PLCG2: variants seen among roughly 807,000 people sequenced by gnomAD.
PLCG2 encodes 1-phosphatidylinositol 4,5-bisphosphate phosphodiesterase gamma-2.
A neutral mutation model predicts 175.6 loss-of-function variants in PLCG2; 69 were observed. The observed-to-expected ratio is 0.39, with a 90% CI of 0.32 to 0.48. The LOEUF (loss-of-function observed/expected upper bound fraction) is 0.48, where lower values mean the gene tolerates loss of function less well. Ranked by LOEUF, PLCG2 falls within the 20% of genes least tolerant of loss-of-function variation. The pLI, the probability that PLCG2 is intolerant of heterozygous loss-of-function variation, is 0.91. For missense variants in PLCG2, 1,798 were observed against 1,650.9 expected, an observed-to-expected ratio of 1.09 and a Z score of -1.54; for synonymous variants, 827 against 624.0, an observed-to-expected ratio of 1.33 and a Z score of -4.85.
At chr16:81,889,856 A>G (rs937180679) in intron 10 of PLCG2, among the ~76,000 whole-genome samples, 2 of 151,984 alleles carry the variant, frequency 1.3e-5, no homozygotes, top group African/African-American at 2.4e-5. Context: ...GGGTTTCACT[A>G]TGTTGGCCAG....
intron 17 of PLCG2, among the ~76,000 whole-genome samples, chr16:81,909,297 A>G (rs1909514935): frequency 6.6e-6 from 1 of 152,130 alleles, no homozygotes; most frequent in South Asian, 2.1e-4. Flanking sequence ...GGGGGGGTTT[A>G]ATGTGAGTTG....
In PLCG2 at chr16:81,905,537, G is replaced by A. The variant is rs868793504; in HGVS notation, c.1467+30G>A. 2.0e-6 allele frequency: 3 copies of A among 1,470,678 alleles called. No individual in the cohort carries two copies. The East Asian group carries it at 6.8e-5, about 33-fold the overall frequency. 91.1% of individuals were successfully genotyped at this position (1,470,678 alleles called of 1,614,324 possible). A position where few individuals can be genotyped will look rare whatever the true frequency, so the allele number is the denominator to read the frequency against. Reference sequence around the variant, plus strand: ...GCCTTGGTCCCTTCCCGTAGCCACTGCGGCCACGCCCCTTGCAGCTGCTTC... The same window carrying A: ...GCCTTGGTCCCTTCCCGTAGCCACTACGGCCACGCCCCTTGCAGCTGCTTC... On this transcript the variant is annotated intron_variant, in intron 15 of 32. Coordinates refer to ENST00000564138, the MANE Select transcript of PLCG2 (RefSeq NM_002661.5).
In PLCG2 at chr16:81,873,546, A is replaced by C. The variant is rs1907620569; in HGVS notation, c.648+2611A>C. On this transcript the variant is annotated intron_variant, in intron 7 of 32. Coordinates refer to ENST00000564138, the MANE Select transcript of PLCG2 (RefSeq NM_002661.5). ...GATTTACTCAAGATAAGTAGTTGCA[A>C]ATAACAGTTTTTTTTTTTTTAATAA... is the stretch of plus-strand genomic sequence containing the variant. 3.3e-5 allele frequency among the ~76,000 whole-genome samples: 5 copies of C among 151,230 alleles called. 1 individual carries two copies. In the South Asian group the frequency reaches 1.0e-3, roughly 32 times the overall value.
intron 20 of PLCG2, among the ~76,000 whole-genome samples, chr16:81,919,886 G>T (rs748294217): frequency 1.4e-4 from 22 of 152,158 alleles, no homozygotes; most frequent in Non-Finnish European, 2.8e-4. Flanking sequence ...CATAGCATGT[G>T]CCAGATGGTG....
chr16:81,905,102 G>T (rs1374972585), intron 14 of PLCG2, among the ~76,000 whole-genome samples: 1 of 152,236 alleles, frequency 6.6e-6, no homozygotes, highest in African/African-American at 2.4e-5. Flanking sequence ...GGCCAGGCTG[G>T]TCTAGAACTC....
At chr16:81,926,206 A>G (rs1384869148) in intron 22 of PLCG2, among the ~76,000 whole-genome samples, 1 of 152,130 alleles carries the variant, frequency 6.6e-6, no homozygotes, top group Non-Finnish European at 1.5e-5. Context: ...TTAGGAGGTG[A>G]TGTCTGGGAG....
At chr16:81,889,445 G>A (rs1177257624) in intron 10 of PLCG2, 172 bp downstream of exon 10, 3 of 552,994 alleles carry the variant, frequency 5.4e-6, no homozygotes, top group African/African-American at 3.8e-5. Flanking sequence ...TTTTCTCCCA[G>A]GTTCTAGATT....
At chr16:81,938,936 C>T (rs757699225) in intron 29 of PLCG2, 21 bp downstream of exon 29, 5 of 1,432,382 alleles carry the variant, frequency 3.5e-6, no homozygotes, top group South Asian at 2.3e-5. Context: ...CACCTTGGCC[C>T]CTCTGCTTTT....
rs1237574945 is a variant in PLCG2 at position 81,928,604 on chromosome 16, A to G, written c.2561A>G (p.Asp854Gly). 6.2e-7 allele frequency: 1 copy of G among 1,607,192 alleles called. No individual in the cohort carries two copies. The highest frequency in any genetic ancestry group is 1.7e-5 in the Admixed American group (1 of 60,002). Reference protein sequence around the residue: ...PLGSLCRGILDLNTYNVVKAP... With the variant: ...PLGSLCRGILGLNTYNVVKAP... ...GGGTCTCTTTGCAGAGGAATATTGG[A>G]CCTCAATACCTATAACGTCGGTACG... Residue 854 changes from aspartate to glycine, a missense_variant, in exon 24 of 33, where the codon GAC (aspartate) becomes GGC (glycine). Coordinates refer to ENST00000564138, the MANE Select transcript of PLCG2 (RefSeq NM_002661.5).
intron 7 of PLCG2, among the ~76,000 whole-genome samples, chr16:81,878,448 A>G (rs1027352667): frequency 6.6e-6 from 1 of 152,172 alleles, no homozygotes; most frequent in African/African-American, 2.4e-5. Context: ...CGGGGACACC[A>G]TCCTATACAT....
At chr16:81,893,289 A>G (rs4076360) in intron 11 of PLCG2, among the ~76,000 whole-genome samples, 91,229 of 152,114 alleles carry the variant, frequency 0.6, 28,109 homozygotes, top group East Asian at 0.78. Context: ...GTTGTTGAAT[A>G]TCTGTTCTGT....
intron 5 of PLCG2, among the ~76,000 whole-genome samples, chr16:81,861,169 AT>A (rs1291468859): frequency 1.3e-5 from 2 of 151,926 alleles, no homozygotes; most frequent in Non-Finnish European, 2.9e-5. Context: ...GAGGCACCTT[AT>A]TTTTTTGGTA....
At chr16:81,869,626 T>C (rs763213014) in intron 6 of PLCG2, among the ~76,000 whole-genome samples, 2 of 152,214 alleles carry the variant, frequency 1.3e-5, no homozygotes, top group Non-Finnish European at 2.9e-5. Flanking sequence ...AATGAATGCA[T>C]GTATGTCTTT....
chr16:81,870,794 G>T, intron 6 of PLCG2, 58 bp from the exon 7 acceptor site: 1 of 881,388 alleles, frequency 1.1e-6, no homozygotes. Flanking sequence ...TAAATAGCAT[G>T]GAGCCATTCT....
chr16:81,788,846 C>T (rs533538505), intron 2 of PLCG2, among the ~76,000 whole-genome samples: 1 of 152,284 alleles, frequency 6.6e-6, no homozygotes, highest in South Asian at 2.1e-4. Flanking sequence ...CCGGCTCCAC[C>T]CCCAGGTGGC....
intron 2 of PLCG2, among the ~76,000 whole-genome samples, chr16:81,824,531 C>T (rs28380426): frequency 6.6e-6 from 1 of 152,180 alleles, no homozygotes; most frequent in African/African-American, 2.4e-5. Flanking sequence ...GTGTGGCTGG[C>T]ACTTTTCGTT....
chr16:81,915,478 G>A (rs1909801566), intron 19 of PLCG2, among the ~76,000 whole-genome samples: 1 of 152,238 alleles, frequency 6.6e-6, no homozygotes, highest in Non-Finnish European at 1.5e-5. Flanking sequence ...CGCTCCAGGA[G>A]GATGGAAGAT....
intron 1 of PLCG2, chr16:81,755,692 A>ATTTTTTTTTTTTTTT (rs1909907118): frequency 6.6e-6 from 1 of 150,710 alleles, no homozygotes; most frequent in Non-Finnish European, 1.5e-5. Flanking sequence ...CATGCAGTTA[A>ATTTTTTTTTTTTTTT]TTTTTGTATT....
intron 17 of PLCG2, 103 bp downstream of exon 17, chr16:81,908,694 A>ATTCAGGTCCCAG: frequency 2.0e-6 from 2 of 997,316 alleles, no homozygotes; most frequent in Non-Finnish European, 2.9e-6. Flanking sequence ...GCAGGCTGGG[A>ATTCAGGTCCCAG]CCTGAATCCC....
Sources: gnomAD v4.1 joint callset for allele counts (sites outside exome capture counted in the v4.1 genomes callset) on GRCh38, gnomAD v4.1.1 for gene constraint, MANE v1.5 for transcripts, NCBI Gene and HGNC (gene_info 2026-07-23, HGNC 2026-07-21) for gene names.